The following BNC2 variants were observed in gnomAD, a reference collection of about 807,000 sequenced individuals.
BNC2 encodes basonuclin zinc finger protein 2.
In BNC2, 20 loss-of-function variants were observed where a neutral mutation model predicts 76.3. That is an observed-to-expected ratio of 0.26 (90% CI 0.18 to 0.38). The LOEUF is 0.38. Among genes scored for constraint, BNC2 ranks in the 10% least tolerant of loss-of-function variants. The pLI is 1.00. For missense variants in BNC2, 1,382 were observed against 1,399.8 expected (o/e 0.99, Z 0.20); for synonymous variants, 582 against 514.8 (o/e 1.13, Z -1.77).
intron 5 of BNC2, among the ~76,000 whole-genome samples, chr9:16,448,463 T>C (rs906399194): frequency 2.0e-5 from 3 of 152,194 alleles, no homozygotes; most frequent in Non-Finnish European, 4.4e-5. Flanking sequence ...AGATTACTGA[T>C]ATTGGTATAG....
intron 4 of BNC2, among the ~76,000 whole-genome samples, chr9:16,576,789 G>C (rs189434775): frequency 2.4e-4 from 37 of 152,320 alleles, no homozygotes; most frequent in African/African-American, 8.2e-4. Flanking sequence ...CCATGCTGGA[G>C]TGCAATGGCA....
At chr9:16,862,255 C>G (rs1465002974) in intron 1 of BNC2, among the ~76,000 whole-genome samples, 2 of 152,210 alleles carry the variant, frequency 1.3e-5, no homozygotes, top group South Asian at 4.2e-4. Context: ...TGTAAACAAC[C>G]CAAATGTGCT....
At chr9:16,835,750 A>G (rs1818691979) in intron 1 of BNC2, among the ~76,000 whole-genome samples, 1 of 152,204 alleles carries the variant, frequency 6.6e-6, no homozygotes, top group Admixed American at 6.5e-5. Context: ...GCAGAAAACT[A>G]TTGTGTGCAA....
intron 1 of BNC2, among the ~76,000 whole-genome samples, chr9:16,761,867 T>C (rs564294084): frequency 1.1e-4 from 17 of 152,126 alleles, no homozygotes; most frequent in Non-Finnish European, 2.1e-4. Context: ...GCTGATGAAA[T>C]TGAAAATGCT....
chr9:16,533,710 T>C (rs948306678), intron 5 of BNC2, among the ~76,000 whole-genome samples: 2 of 152,196 alleles, frequency 1.3e-5, no homozygotes, highest in Admixed American at 6.5e-5. Context: ...CATTACATTT[T>C]TCAACATTAC....
chr9:16,795,181 T>C (rs898474430), intron 1 of BNC2, among the ~76,000 whole-genome samples: 1 of 152,050 alleles, frequency 6.6e-6, no homozygotes, highest in Non-Finnish European at 1.5e-5. Flanking sequence ...GCATCTTTTC[T>C]CACTTTTTTT....
chr9:16,512,341 A>C (rs1822776164), intron 5 of BNC2, among the ~76,000 whole-genome samples: 1 of 152,208 alleles, frequency 6.6e-6, no homozygotes, highest in South Asian at 2.1e-4. Flanking sequence ...AGGACACTAA[A>C]ATATCATGAG....
intron 3 of BNC2, among the ~76,000 whole-genome samples, chr9:16,605,934 T>G (rs1191039518): frequency 1.3e-5 from 2 of 151,884 alleles, no homozygotes; most frequent in Non-Finnish European, 2.9e-5. Flanking sequence ...GGACTACAGG[T>G]GCACACCACC....
At chr9:16,798,853 T>A (rs760957310) in intron 1 of BNC2, among the ~76,000 whole-genome samples, 1 of 151,980 alleles carries the variant, frequency 6.6e-6, no homozygotes, top group East Asian at 1.9e-4. Context: ...GCACAAGTAA[T>A]GGCAACAATG....
chr9:16,660,159 T>C (rs540320978), intron 3 of BNC2, among the ~76,000 whole-genome samples: 2 of 152,248 alleles, frequency 1.3e-5, no homozygotes, highest in East Asian at 3.9e-4. Flanking sequence ...CCCTTGAAAA[T>C]TACACATCTT....
chr9:16,612,013 G>C (rs1238224127), intron 3 of BNC2, among the ~76,000 whole-genome samples: 2 of 147,926 alleles, frequency 1.4e-5, no homozygotes, highest in South Asian at 2.1e-4. Flanking sequence ...TATTCTATTA[G>C]TTAATTTGTA....
intron 3 of BNC2, among the ~76,000 whole-genome samples, chr9:16,726,259 G>A (rs1824315584): frequency 6.6e-6 from 1 of 152,180 alleles, no homozygotes; most frequent in Non-Finnish European, 1.5e-5. Context: ...TACTTATTGG[G>A]TTGATGTTGA....
chr9:16,813,065 C>G lies in BNC2; in HGVS notation c.3+57581G>C, dbSNP rs1253080627. Among the ~76,000 whole-genome samples, 3 of 151,936 alleles carry G rather than the reference C, an allele frequency of 2.0e-5. No homozygotes were observed. The East Asian group carries it at 5.9e-4, about 30-fold the overall frequency. ...CTCTACTAAAAATACAAAAATTAGCCGGGCGTGGTGACGCCCCAGCTACTT... is the reference window on the plus strand; with the variant it reads ...CTCTACTAAAAATACAAAAATTAGCGGGGCGTGGTGACGCCCCAGCTACTT... On this transcript the variant is annotated intron_variant, in intron 1 of 6. Transcript: ENST00000380672.
At chr9:16,780,868 G>C (rs1212187589) in intron 1 of BNC2, among the ~76,000 whole-genome samples, 1 of 152,002 alleles carries the variant, frequency 6.6e-6, no homozygotes, top group Non-Finnish European at 1.5e-5. Context: ...CTTTACCTAA[G>C]AAACAAGTCC....
intron 5 of BNC2, among the ~76,000 whole-genome samples, chr9:16,456,965 C>T (rs527259719): frequency 1.3e-5 from 2 of 152,108 alleles, no homozygotes; most frequent in South Asian, 2.1e-4. Context: ...TCTAATTATT[C>T]AATAGTAGAA....
At position 16,436,696 on chromosome 9, in the gene BNC2, G is replaced by A. The variant is rs752343912; in HGVS notation, c.1498C>T (p.Pro500Ser). The stretch of plus-strand genomic sequence containing the variant: ...TTATCTCGGTTATTCCTTAGCATAG[G>A]CATGTGAAGGCGAGGATTGGGGTTT... ...SANPNPRLHM[P>S]MLRNNRDKDL... Residue 500 changes from proline to serine, a missense_variant, in exon 6 of 7, where the codon CCT becomes TCT. Pro to Ser is a moderately conservative substitution (Grantham distance 74, BLOSUM62 -1). This residue lies in a region of BNC2 where 798 missense variants were observed against 775.5 expected (regional missense o/e 1.03). Transcript: ENST00000380672. 7 of 1,614,112 alleles carry A rather than the reference G, an allele frequency of 4.3e-6. No homozygotes were observed. Among genetic ancestry groups the A allele is most frequent in the Non-Finnish European group, 5.9e-6 (7 of 1,180,016 alleles).
intron 3 of BNC2, among the ~76,000 whole-genome samples, chr9:16,691,565 A>G (rs1490238684): frequency 1.4e-5 from 2 of 139,114 alleles, no homozygotes; most frequent in East Asian, 2.1e-4. Flanking sequence ...GCTGGAACGC[A>G]GTGGTGCGAT....
intron 1 of BNC2, among the ~76,000 whole-genome samples, chr9:16,819,713 T>C (rs762922394): frequency 5.3e-5 from 8 of 152,118 alleles, no homozygotes; most frequent in Non-Finnish European, 1.0e-4. Context: ...AAAGATCATA[T>C]ACTATTAAGA....
At chr9:16,647,707 A>C (rs1023663851) in intron 3 of BNC2, among the ~76,000 whole-genome samples, 8 of 152,192 alleles carry the variant, frequency 5.3e-5, no homozygotes, top group African/African-American at 1.9e-4. Flanking sequence ...GTAAAATATA[A>C]GAGATTCATC....
Sources: allele counts gnomAD v4.1 joint callset (sites outside exome capture counted in the v4.1 genomes callset), GRCh38; gene constraint gnomAD v4.1.1; regional missense constraint gnomAD v4.1.1; transcripts MANE v1.5; gene names NCBI Gene and HGNC (gene_info 2026-07-23, HGNC 2026-07-21).